SLF1: variants seen among roughly 807,000 people sequenced by gnomAD.
SLF1 encodes the protein SMC5-SMC6 complex localization factor protein 1.
SLF1 carries 105 observed loss-of-function variants against 123.0 expected under a neutral mutation model. The ratio of observed to expected loss-of-function variants is 0.85; its 90% CI spans 0.73 to 1.00. SLF1 has a LOEUF of 1.00. SLF1 is among the 50% of genes least tolerant of loss of function. The pLI, the probability that SLF1 is intolerant of heterozygous loss-of-function variation, is 0.00. For synonymous variants in SLF1, 434 were observed against 406.6 expected (o/e 1.07, Z -0.81); for missense variants, 1,239 against 1,223.0 (o/e 1.01, Z -0.20).
At position 94,618,961 on chromosome 5, in the gene SLF1, G is replaced by A. The variant is rs558387904; in HGVS notation, c.-1+196G>A. ...TCCAGCTCTCCCGACTTCGCGCTCG[G>A]CGCCGGAGTTGGTGGGCTGCAGCTG... On this transcript the variant is annotated intron_variant, in intron 1 of 20. Coordinates refer to ENST00000265140, the MANE Select transcript of SLF1 (RefSeq NM_032290.4). Among the ~76,000 whole-genome samples the A allele has an allele frequency of 2.6e-5, 4 of 152,276 alleles. No homozygotes were observed. In the South Asian group the frequency reaches 6.2e-4, roughly 24 times the overall value.
intron 1 of SLF1, among the ~76,000 whole-genome samples, chr5:94,623,574 A>G (rs775674540): frequency 1.6e-4 from 25 of 151,912 alleles, no homozygotes; most frequent in Non-Finnish European, 3.4e-4. Flanking sequence ...AAAGATCTAT[A>G]ATTTTTCTAA....
intron 6 of SLF1, among the ~76,000 whole-genome samples, chr5:94,649,974 A>G (rs1747493773): frequency 6.6e-6 from 1 of 152,202 alleles, no homozygotes; most frequent in Non-Finnish European, 1.5e-5. Flanking sequence ...TTTATATAGA[A>G]TAAAATTTAA....
At chr5:94,658,428 TTTG>T (rs35496935) in intron 9 of SLF1, among the ~76,000 whole-genome samples, 11,552 of 150,540 alleles carry the variant, frequency 0.077, 477 homozygotes, top group South Asian at 0.12. Flanking sequence ...TTGAGTTGGG[TTTG>T]TTGTTGTTGT....
chr5:94,644,451 C>T (rs1336484832), intron 5 of SLF1, among the ~76,000 whole-genome samples: 1 of 152,144 alleles, frequency 6.6e-6, no homozygotes. Context: ...TACAAGTTCC[C>T]ACAGGATTCC....
chr5:94,633,046 A>G (rs1745146644), intron 4 of SLF1, among the ~76,000 whole-genome samples: 1 of 151,642 alleles, frequency 6.6e-6, no homozygotes, highest in African/African-American at 2.4e-5. Flanking sequence ...GCTGGAGTGC[A>G]GTGGCGTGAT....
intron 4 of SLF1, among the ~76,000 whole-genome samples, chr5:94,637,092 A>G (rs1745898281): frequency 6.6e-6 from 1 of 152,098 alleles, no homozygotes; most frequent in South Asian, 2.1e-4. Flanking sequence ...TTTAGGGTCC[A>G]TTGTTGGAGC....
In SLF1 at chr5:94,629,138, G is replaced by A. The variant is rs566482999; in HGVS notation, c.161G>A (p.Ser54Asn). The A allele has an allele frequency of 4.5e-6, 7 of 1,548,534 alleles. No homozygotes were observed. The African/African-American group carries it at 9.6e-5, about 21-fold the overall frequency. Residue 54 changes from serine to asparagine, a missense_variant, in exon 3 of 21, where the codon AGT becomes AAT. Physicochemically the swap from Ser to Asn is conservative, Grantham distance 46. Coordinates refer to ENST00000265140, the MANE Select transcript of SLF1 (RefSeq NM_032290.4). ...CTTATAGCTGAACGCCTATGTAAGAGTGAAAAATTTTTAGCAGCTTGTGCG... is the reference window on the plus strand; with the variant it reads ...CTTATAGCTGAACGCCTATGTAAGAATGAAAAATTTTTAGCAGCTTGTGCG... The part of the protein sequence containing the change: ...THLIAERLCK[S>N]EKFLAACAAG...
rs777263839 is a variant in SLF1 at position 94,692,235 on chromosome 5, A to T, written c.2674A>T (p.Lys892Ter). The T allele has an allele frequency of 1.2e-6, 2 of 1,613,672 alleles. No homozygotes were observed. ...GTCAAACGGACATGTAGAAATTGGC[A>T]AGCTGCTACTACAGCATGGGGGTGA... is the stretch of plus-strand genomic sequence containing the variant. ...ALSNGHVEIGKLLLQHGGPVL... is the reference protein window; with the variant it reads ...ALSNGHVEIG Residue 892 changes from lysine to a stop codon, truncating the protein, a stop_gained, in exon 20 of 21, where the codon AAG becomes TAG. Coordinates refer to ENST00000265140, the MANE Select transcript of SLF1 (RefSeq NM_032290.4). LOFTEE classifies it high-confidence loss of function.
In SLF1 at chr5:94,626,806, T is replaced by G. The variant is rs901015331; in HGVS notation, c.1-2005T>G. Among the ~76,000 whole-genome samples, 9 of 152,326 alleles carry G rather than the reference T, an allele frequency of 5.9e-5. No individual in the cohort carries two copies. The South Asian group carries it at 1.0e-3, about 18-fold the overall frequency. On this transcript the variant is annotated intron_variant, in intron 1 of 20. Transcript: ENST00000265140. ...TGTCAGAAAGCATTGATATGGACCTTCTTTGCAAATATGCAGATACACTGA... is the reference window on the plus strand; with the variant it reads ...TGTCAGAAAGCATTGATATGGACCTGCTTTGCAAATATGCAGATACACTGA...
At chr5:94,620,385 G>A (rs1791648149) in intron 1 of SLF1, among the ~76,000 whole-genome samples, 2 of 152,142 alleles carry the variant, frequency 1.3e-5, no homozygotes, top group Non-Finnish European at 2.9e-5. Context: ...CGTGGATCAC[G>A]TGAAAGTCAT....
chr5:94,678,623 G>GGAGAGA, intron 14 of SLF1, 185 bp from the exon 15 acceptor site: 1 of 482,838 alleles, frequency 2.1e-6, no homozygotes, highest in Non-Finnish European at 3.5e-6. Flanking sequence ...TTTGTCATGT[G>GGAGAGA]GAGAGAGAGA....
intron 5 of SLF1, among the ~76,000 whole-genome samples, chr5:94,645,916 A>G (rs1746979714): frequency 6.6e-6 from 1 of 151,316 alleles, no homozygotes; most frequent in Non-Finnish European, 1.5e-5. Context: ...CATTAGATGG[A>G]TCTTGAAGTG....
At chr5:94,644,560 C>G (rs999443519) in intron 5 of SLF1, among the ~76,000 whole-genome samples, 1 of 152,178 alleles carries the variant, frequency 6.6e-6, no homozygotes, top group Non-Finnish European at 1.5e-5. Context: ...ATAAGCTAAG[C>G]TACTCCTAAC....
intron 12 of SLF1, among the ~76,000 whole-genome samples, chr5:94,667,558 A>T (rs901126724): frequency 6.6e-6 from 1 of 152,216 alleles, no homozygotes; most frequent in African/African-American, 2.4e-5. Context: ...TCATTGACTC[A>T]CATACATTGA....
intron 1 of SLF1, among the ~76,000 whole-genome samples, chr5:94,625,379 T>A (rs747095386): frequency 3.3e-5 from 5 of 151,792 alleles, no homozygotes; most frequent in Admixed American, 6.6e-5. Flanking sequence ...TATTTTTTAA[T>A]TTTATTTATT....
Position 94,689,465 on chromosome 5 carries a change from C to T in SLF1, c.2286-8C>T, listed in dbSNP as rs770413363. ...CAAGCTTTCATTATTTCTTACTTTT[C>T]CTTTCAGAGACCTGAACCTTGCTAA... On this transcript the variant is annotated splice_polypyrimidine_tract_variant and splice_region_variant and intron_variant, in intron 17 of 20. Coordinates refer to ENST00000265140, the MANE Select transcript of SLF1 (RefSeq NM_032290.4). 2.5e-6 allele frequency: 4 copies of T among 1,601,076 alleles called. No individual in the cohort carries two copies. Among genetic ancestry groups the T allele is most frequent in the Non-Finnish European group, 3.4e-6 (4 of 1,175,766 alleles).
chr5:94,659,455 A>G (rs1464776777), intron 9 of SLF1, among the ~76,000 whole-genome samples: 1 of 152,160 alleles, frequency 6.6e-6, no homozygotes, highest in Non-Finnish European at 1.5e-5. Flanking sequence ...CTGGTGTAAC[A>G]GTCACTTCAA....
intron 15 of SLF1, among the ~76,000 whole-genome samples, chr5:94,679,523 C>T (rs1255356738): frequency 6.6e-6 from 1 of 151,918 alleles, no homozygotes; most frequent in Non-Finnish European, 1.5e-5. Flanking sequence ...GCCCAGGAGT[C>T]CAGGGCTGCA....
chr5:94,658,713 A>C (rs1748721061), intron 9 of SLF1, among the ~76,000 whole-genome samples: 1 of 152,164 alleles, frequency 6.6e-6, no homozygotes, highest in African/African-American at 2.4e-5. Flanking sequence ...TATTGTTTTT[A>C]AAATAGGTTT....
Sources: allele counts gnomAD v4.1 joint callset (sites outside exome capture counted in the v4.1 genomes callset), GRCh38; gene constraint gnomAD v4.1.1; transcripts MANE v1.5; gene names NCBI Gene and HGNC (gene_info 2026-07-23, HGNC 2026-07-21).